The following CDH13 variants were observed in gnomAD, a reference collection of about 807,000 sequenced individuals.
CDH13 encodes the protein cadherin 13, also known as cadherin-13.
In CDH13, 24 loss-of-function variants were observed where a neutral mutation model predicts 63.8. That is an observed-to-expected ratio of 0.38 (90% CI 0.27 to 0.53). The LOEUF is 0.53. CDH13 is among the 20% of genes least tolerant of loss of function. The pLI, the probability that CDH13 is intolerant of heterozygous loss-of-function variation, is 0.85. For synonymous variants in CDH13, 503 were observed against 355.3 expected (o/e 1.42, Z -4.67); for missense variants, 1,049 against 903.1 (o/e 1.16, Z -2.07).
At chr16:82,763,409 G>A (rs959164073) in intron 1 of CDH13, among the ~76,000 whole-genome samples, 1 of 152,030 alleles carries the variant, frequency 6.6e-6, no homozygotes, top group Non-Finnish European at 1.5e-5. Context: ...GCTTGTCTTG[G>A]TCTCTGTTTA....
chr16:83,219,761 T>A (rs572307474), intron 5 of CDH13, among the ~76,000 whole-genome samples: 1 of 152,236 alleles, frequency 6.6e-6, no homozygotes, highest in South Asian at 2.1e-4. Flanking sequence ...TTTACATACA[T>A]TTAATTGAGT....
intron 2 of CDH13, among the ~76,000 whole-genome samples, chr16:83,030,414 T>C (rs963094249): frequency 6.6e-6 from 1 of 151,962 alleles, no homozygotes; most frequent in Non-Finnish European, 1.5e-5. Context: ...ATCCCAGTTC[T>C]TTGGGAGGCC....
intron 5 of CDH13, among the ~76,000 whole-genome samples, chr16:83,306,221 G>T (rs998168042): frequency 6.6e-6 from 1 of 152,172 alleles, no homozygotes; most frequent in Non-Finnish European, 1.5e-5. Context: ...TATAAACAAG[G>T]GTAGGTACCG....
intron 2 of CDH13, among the ~76,000 whole-genome samples, chr16:82,984,546 A>G (rs1310484428): frequency 6.6e-6 from 1 of 152,204 alleles, no homozygotes; most frequent in African/African-American, 2.4e-5. Flanking sequence ...TGGGATAATG[A>G]TAACAGTTAA....
chr16:83,405,772 C>T (rs781627499), intron 6 of CDH13, among the ~76,000 whole-genome samples: 31 of 152,212 alleles, frequency 2.0e-4, no homozygotes, highest in Non-Finnish European at 4.1e-4. Context: ...CAGGCATATT[C>T]CTTTCTCCCA....
At chr16:83,667,453 A>G (rs1330940551) in intron 8 of CDH13, among the ~76,000 whole-genome samples, 1 of 151,548 alleles carries the variant, frequency 6.6e-6, no homozygotes, top group Admixed American at 6.6e-5. Flanking sequence ...CCATCCACCC[A>G]TCCGTCTATC....
At chr16:82,658,259 G>A (rs751608473) in intron 1 of CDH13, among the ~76,000 whole-genome samples, 4 of 152,166 alleles carry the variant, frequency 2.6e-5, no homozygotes, top group African/African-American at 7.2e-5. Flanking sequence ...AGGAATGTGG[G>A]GCAGGTATTA....
At chr16:82,663,863 G>C (rs1234663553) in intron 1 of CDH13, among the ~76,000 whole-genome samples, 1 of 152,152 alleles carries the variant, frequency 6.6e-6, no homozygotes, top group Non-Finnish European at 1.5e-5. Context: ...TGTGAATATA[G>C]CGTGGGCTTT....
intron 2 of CDH13, among the ~76,000 whole-genome samples, chr16:82,881,149 G>A (rs994995213): frequency 6.6e-6 from 1 of 152,138 alleles, no homozygotes; most frequent in Non-Finnish European, 1.5e-5. Flanking sequence ...AGCAAAGGGT[G>A]ATCAATGGCT....
At chr16:82,744,634 C>T (rs886752561) in intron 1 of CDH13, among the ~76,000 whole-genome samples, 1 of 152,088 alleles carries the variant, frequency 6.6e-6, no homozygotes, top group Non-Finnish European at 1.5e-5. Flanking sequence ...GAACAAAGAT[C>T]TCCCCTCCCT....
intron 2 of CDH13, among the ~76,000 whole-genome samples, chr16:82,958,479 T>C (rs1435507695): frequency 6.6e-6 from 1 of 152,112 alleles, no homozygotes; most frequent in African/African-American, 2.4e-5. Context: ...GTAGCAAAAT[T>C]ATCCTGAAAA....
chr16:82,904,044 C>T (rs117072370), intron 2 of CDH13, among the ~76,000 whole-genome samples: 18 of 152,090 alleles, frequency 1.2e-4, no homozygotes, highest in African/African-American at 2.4e-4. Flanking sequence ...AAAATTATAA[C>T]CCGTTATTAA....
chr16:83,558,041 T>C (rs1268262265), intron 7 of CDH13, among the ~76,000 whole-genome samples: 1 of 152,064 alleles, frequency 6.6e-6, no homozygotes, highest in African/African-American at 2.4e-5. Context: ...CAGCTTTATA[T>C]AAAAAGGGCA....
intron 1 of CDH13, among the ~76,000 whole-genome samples, chr16:82,695,232 G>T (rs1597344302): frequency 1.3e-5 from 2 of 152,296 alleles, no homozygotes; most frequent in Middle Eastern, 6.8e-3. Flanking sequence ...TCAACAGGGA[G>T]ATACAGTATT....
chr16:83,729,226 T>C (rs1910773938), intron 10 of CDH13, among the ~76,000 whole-genome samples: 1 of 152,196 alleles, frequency 6.6e-6, no homozygotes. Flanking sequence ...ATTATTTATG[T>C]GCATATACAT....
intron 1 of CDH13, among the ~76,000 whole-genome samples, chr16:82,628,315 G>A (rs1444486592): frequency 1.3e-5 from 2 of 152,168 alleles, no homozygotes; most frequent in Admixed American, 6.5e-5. Context: ...GCCTCAGGGT[G>A]CTAGGAATGA....
intron 1 of CDH13, among the ~76,000 whole-genome samples, chr16:82,805,216 G>A (rs1233142257): frequency 6.6e-6 from 1 of 152,204 alleles, no homozygotes; most frequent in African/African-American, 2.4e-5. Flanking sequence ...CTGTTGGTGG[G>A]AGAGAGGTCT....
At chr16:82,909,227 C>G (rs1229761335) in intron 2 of CDH13, among the ~76,000 whole-genome samples, 8 of 150,024 alleles carry the variant, frequency 5.3e-5, no homozygotes. Flanking sequence ...ATGTGGAACC[C>G]ACAGAAACTG....
At chr16:82,878,121 C>G (rs150104360) in intron 2 of CDH13, among the ~76,000 whole-genome samples, 86 of 152,180 alleles carry the variant, frequency 5.7e-4, no homozygotes, top group African/African-American at 2.0e-3. Context: ...GCCAGATTGT[C>G]TGAGCCCCAA....
Sources: allele counts gnomAD v4.1 joint callset (sites outside exome capture counted in the v4.1 genomes callset), GRCh38; gene constraint gnomAD v4.1.1; transcripts MANE v1.5; gene names NCBI Gene and HGNC (gene_info 2026-07-23, HGNC 2026-07-21).